Variants in USP40 observed in about 807,000 individuals in gnomAD.
USP40 encodes the protein ubiquitin specific peptidase 40, also known as ubiquitin carboxyl-terminal hydrolase 40.
A neutral mutation model predicts 166.2 loss-of-function variants in USP40; 143 were observed. The ratio of observed to expected loss-of-function variants is 0.86; its 90% confidence interval spans 0.75 to 0.99. USP40 has a LOEUF of 0.99. Among genes scored for constraint, USP40 ranks in the 50% least tolerant of loss-of-function variants. The pLI, the probability that USP40 is intolerant of heterozygous loss-of-function variation, is 0.00. For synonymous variants in USP40, 498 were observed against 524.0 expected (o/e 0.95, Z 0.68); for missense variants, 1,444 against 1,479.7 (o/e 0.98, Z 0.40).
At chr2:233,524,008 G>A (rs193130879) in intron 15 of USP40, among the ~76,000 whole-genome samples, 6 of 152,290 alleles carry the variant, frequency 3.9e-5, no homozygotes, top group East Asian at 3.9e-4. Context: ...CTGGTATAAC[G>A]GAGGCGCTCA....
chr2:233,561,368 A>T, intron 3 of USP40: 1 of 482,062 alleles, frequency 2.1e-6, no homozygotes, highest in Non-Finnish European at 3.7e-6. Flanking sequence ...ACCAAAACAG[A>T]GATATAGATC....
At chr2:233,529,320 C>T in intron 12 of USP40, 111 bp downstream of exon 12, 1 of 868,438 alleles carries the variant, frequency 1.2e-6, no homozygotes, top group Non-Finnish European at 1.7e-6. Flanking sequence ...CTTGCATTAA[C>T]AAGTTGACTA....
rs374139381 is a variant in USP40 at position 233,515,255 on chromosome 2, G to A, written c.2384-2633C>T. 1.4e-4 allele frequency among the ~76,000 whole-genome samples: 21 copies of A among 152,284 alleles called. No individual in the cohort carries two copies. The East Asian group carries it at 3.3e-3, about 24-fold the overall frequency. On this transcript the variant is annotated intron_variant, in intron 18 of 31. Coordinates refer to ENST00000678225, the MANE Select transcript of USP40 (RefSeq NM_001365479.2). Reference sequence around the variant, plus strand: ...ACTCTTATTCAGTAAATACCTAGACGTAGAATTGGTAAGTGGATGTTTAAA... The same window carrying A: ...ACTCTTATTCAGTAAATACCTAGACATAGAATTGGTAAGTGGATGTTTAAA...
chr2:233,477,754 T>A (rs1210189123), intron 31 of USP40, among the ~76,000 whole-genome samples: 3 of 152,368 alleles, frequency 2.0e-5, no homozygotes, highest in Admixed American at 6.5e-5. Context: ...GCTTTCTCAA[T>A]CTGCTCAGTG....
In USP40 at chr2:233,485,573, C is replaced by T. The variant is rs1308611678; in HGVS notation, c.3462G>A (p.Gly1154=). The change falls in exon 30 of 32, where the codon GGG becomes GGA. Residue 1154 remains glycine (G), a synonymous_variant. Transcript: ENST00000678225. ...KKKKKQDYLQ[G]APYYLKDGDT... ...CTCCGTCTTTCAAGTAATACGGTGC[C>T]CCTTGCAAATAATCTTGTTTTTTTT... 2 of 1,613,808 alleles carry T rather than the reference C, an allele frequency of 1.2e-6. No homozygotes were observed. The highest frequency in any genetic ancestry group is 1.7e-6 in the Non-Finnish European group (2 of 1,179,890).
chr2:233,504,476 T>C (rs2066278123), intron 21 of USP40, among the ~76,000 whole-genome samples: 3 of 151,832 alleles, frequency 2.0e-5, no homozygotes. Flanking sequence ...AAACCAAAAG[T>C]GAGCAAGAGT....
intron 21 of USP40, among the ~76,000 whole-genome samples, chr2:233,500,980 C>T (rs1338102297): frequency 2.6e-5 from 4 of 152,008 alleles, no homozygotes; most frequent in African/African-American, 2.4e-5. Flanking sequence ...GATTGTTAAT[C>T]CCCTAGAAGT....
intron 8 of USP40, among the ~76,000 whole-genome samples, chr2:233,548,639 T>A (rs185682807): frequency 1.3e-3 from 194 of 152,260 alleles, no homozygotes; most frequent in African/African-American, 4.5e-3. Flanking sequence ...AATCTGAACA[T>A]AACTATTAGA....
chr2:233,485,813 G>A lies in USP40; in HGVS notation c.3362C>T (p.Ala1121Val), dbSNP rs767547207. 2 of 1,612,088 alleles carry A rather than the reference G, an allele frequency of 1.2e-6. No individual in the cohort carries two copies. Among genetic ancestry groups the A allele is most frequent in the South Asian group, 1.1e-5 (1 of 90,460 alleles). ...CTCGAACTTTTCGGGAAAGTATTTG[G>A]CAATTTCAATCTTCTCCACGGGAAG... ...YRLPVEKIEI[A>V]KYFPEKFEWL... Residue 1121 changes from alanine to valine, a missense_variant, in exon 29 of 32, where the codon GCC becomes GTC. Ala to Val is a moderately conservative substitution (Grantham distance 64). Coordinates refer to ENST00000678225, the MANE Select transcript of USP40 (RefSeq NM_001365479.2).
chr2:233,528,512 G>A (rs537605054), intron 12 of USP40, among the ~76,000 whole-genome samples: 2 of 152,268 alleles, frequency 1.3e-5, no homozygotes, highest in South Asian at 2.1e-4. Flanking sequence ...ACAACCACAC[G>A]AAAGACCTTA....
chr2:233,533,316 G>A (rs568434997), intron 11 of USP40, among the ~76,000 whole-genome samples, 163 bp downstream of exon 11: 1 of 152,174 alleles, frequency 6.6e-6, no homozygotes, highest in South Asian at 2.1e-4. Context: ...ATGACAAATT[G>A]TTAGATTTCA....
At chr2:233,525,190 T>C (rs1181461936) in intron 14 of USP40, among the ~76,000 whole-genome samples, 2 of 152,212 alleles carry the variant, frequency 1.3e-5, no homozygotes, top group Non-Finnish European at 2.9e-5. Flanking sequence ...ACAATATGTG[T>C]CAATATAAAA....
intron 24 of USP40, among the ~76,000 whole-genome samples, chr2:233,495,226 A>G (rs2065675133): frequency 6.6e-6 from 1 of 151,692 alleles, no homozygotes; most frequent in South Asian, 2.1e-4. Flanking sequence ...TAGGTTGCCT[A>G]GCAAATAATC....
chr2:233,549,774 T>C (rs1343230707), intron 7 of USP40, among the ~76,000 whole-genome samples: 1 of 152,072 alleles, frequency 6.6e-6, no homozygotes, highest in East Asian at 1.9e-4. Context: ...GAATAGGAAC[T>C]TACTAATTAT....
In USP40 at chr2:233,491,070, G is replaced by T. The variant is rs2065305528; in HGVS notation, c.3012+97C>A. 4 of 932,488 alleles carry T rather than the reference G, an allele frequency of 4.3e-6. No individual in the cohort carries two copies. The South Asian group carries it at 5.6e-5, about 13-fold the overall frequency. 57.8% of individuals were successfully genotyped at this position (932,488 alleles called of 1,614,324 possible). The stretch of plus-strand genomic sequence containing the variant: ...ATATGACAAATGCCATATCAGAACA[G>T]ACTGTAATTGAGGGAAAAGGAGATA... On this transcript the variant is annotated intron_variant, in intron 26 of 31. Transcript: ENST00000678225.
chr2:233,503,074 A>G (rs1343668352), intron 21 of USP40, among the ~76,000 whole-genome samples: 1 of 152,214 alleles, frequency 6.6e-6, no homozygotes, highest in Non-Finnish European at 1.5e-5. Flanking sequence ...ATTCAAAACA[A>G]TGATCTTAAG....
chr2:233,514,317 A>G (rs1380850852), intron 18 of USP40, among the ~76,000 whole-genome samples: 1 of 152,200 alleles, frequency 6.6e-6, no homozygotes, highest in Non-Finnish European at 1.5e-5. Context: ...AGCAAGATTA[A>G]CTGGGACTGT....
intron 26 of USP40, among the ~76,000 whole-genome samples, chr2:233,490,677 T>C (rs1444774072): frequency 6.6e-6 from 1 of 152,172 alleles, no homozygotes; most frequent in African/African-American, 2.4e-5. Flanking sequence ...AAAACCCTCC[T>C]TCTCTGTGAA....
chr2:233,549,076 T>C (rs2070280343), intron 8 of USP40, 25 bp downstream of exon 8: 1 of 1,574,282 alleles, frequency 6.4e-7, no homozygotes, highest in Non-Finnish European at 8.6e-7. Context: ...TGCAAAGATA[T>C]TTCTAAACGA....
Sources: allele counts gnomAD v4.1 joint callset (sites outside exome capture counted in the v4.1 genomes callset), GRCh38; gene constraint gnomAD v4.1.1; transcripts MANE v1.5; gene names NCBI Gene and HGNC (gene_info 2026-07-23, HGNC 2026-07-21).